ANKRD30B: variants seen among roughly 807,000 people sequenced by gnomAD.
The protein encoded by ANKRD30B is ankyrin repeat domain-containing protein 30B.
In ANKRD30B, 144 loss-of-function variants were observed where a neutral mutation model predicts 202.2. The ratio of observed to expected loss-of-function variants is 0.71; its 90% confidence interval spans 0.62 to 0.82. ANKRD30B has a LOEUF of 0.82. Among genes scored for constraint, ANKRD30B ranks in the 40% least tolerant of loss-of-function variants. The pLI, the probability that ANKRD30B is intolerant of heterozygous loss-of-function variation, is 0.00. For missense variants in ANKRD30B, 1,487 were observed against 1,669.1 expected (o/e 0.89, Z 1.90); for synonymous variants, 508 against 561.3 (o/e 0.91, Z 1.34).
At position 14,843,116 on chromosome 18, in the gene ANKRD30B, T is replaced by G; in HGVS notation, c.3181+20T>G. On this transcript the variant is annotated intron_variant, in intron 39 of 43. Coordinates refer to ENST00000690538, the MANE Select transcript of ANKRD30B (RefSeq NM_001367607.2). Reference sequence around the variant, plus strand: ...GAGCAGGTAAATTTTACAGTTCAACTATATTAAAATGAATATTTCAATAGT... The same window carrying G: ...GAGCAGGTAAATTTTACAGTTCAACGATATTAAAATGAATATTTCAATAGT... 4 of 1,590,558 alleles carry G rather than the reference T, an allele frequency of 2.5e-6. No homozygotes were observed. Among genetic ancestry groups the G allele is most frequent in the Non-Finnish European group, 8.5e-7 (1 of 1,170,180 alleles).
chr18:14,924,636 G>T, the ANKRD30B span, among the ~76,000 whole-genome samples: 1 of 152,256 alleles, frequency 6.6e-6, no homozygotes, highest in Non-Finnish European at 1.5e-5. Context: ...TCAGACAGAC[G>T]AGGTCCATGA....
the ANKRD30B span, among the ~76,000 whole-genome samples, chr18:14,895,598 A>G: frequency 6.6e-6 from 1 of 152,354 alleles, no homozygotes; most frequent in East Asian, 1.9e-4. Flanking sequence ...CTTTATTCGT[A>G]TCATCAAAAA....
At chr18:14,760,743 T>G in intron 6 of ANKRD30B, 125 bp downstream of exon 6, 1 of 627,578 alleles carries the variant, frequency 1.6e-6, no homozygotes, top group Non-Finnish European at 2.8e-6. Flanking sequence ...TACATATATG[T>G]GGGTGTGTGT....
intron 18 of ANKRD30B, among the ~76,000 whole-genome samples, chr18:14,796,686 C>G (rs192829003): frequency 2.0e-5 from 3 of 151,996 alleles, no homozygotes; most frequent in Admixed American, 6.6e-5. Flanking sequence ...CCAGGTGGAT[C>G]GGCAGGTTGA....
chr18:14,862,657 G>A, the ANKRD30B span, among the ~76,000 whole-genome samples: 5 of 152,192 alleles, frequency 3.3e-5, no homozygotes, highest in Non-Finnish European at 5.9e-5. Flanking sequence ...GGAGCTGTGG[G>A]AATGGGGCCG....
intron 15 of ANKRD30B, among the ~76,000 whole-genome samples, chr18:14,789,887 T>G (rs1968350526): frequency 6.6e-6 from 1 of 152,200 alleles, no homozygotes; most frequent in African/African-American, 2.4e-5. Context: ...CTTTTTTGGT[T>G]ACATATGAAC....
At chr18:14,770,148 C>A (rs1487854058) in intron 8 of ANKRD30B, among the ~76,000 whole-genome samples, 1 of 151,316 alleles carries the variant, frequency 6.6e-6, no homozygotes, top group Non-Finnish European at 1.5e-5. Context: ...TTTCTATAAT[C>A]CTTTCCTGAT....
intron 4 of ANKRD30B, among the ~76,000 whole-genome samples, chr18:14,756,343 A>G (rs1426130270): frequency 6.6e-6 from 1 of 151,984 alleles, no homozygotes; most frequent in Non-Finnish European, 1.5e-5. Flanking sequence ...ATTTTCTCCC[A>G]TTCTGTAGGT....
chr18:14,767,464 C>T (rs1046704680), intron 7 of ANKRD30B, among the ~76,000 whole-genome samples: 5 of 152,076 alleles, frequency 3.3e-5, no homozygotes, highest in South Asian at 2.1e-4. Context: ...TAGGTGAATA[C>T]GGTCTCTCAA....
At chr18:14,845,898 C>G (rs1047632050) in intron 39 of ANKRD30B, among the ~76,000 whole-genome samples, 1 of 152,078 alleles carries the variant, frequency 6.6e-6, no homozygotes, top group Non-Finnish European at 1.5e-5. Flanking sequence ...GAGCATTAAT[C>G]CATTTATGAA....
chr18:14,848,538 A>T (rs1971747174), intron 39 of ANKRD30B, among the ~76,000 whole-genome samples, 178 bp from the exon 40 acceptor site: 1 of 152,008 alleles, frequency 6.6e-6, no homozygotes, highest in South Asian at 2.1e-4. Context: ...TTTTAAGCTA[A>T]ACAAGAGCAG....
intron 5 of ANKRD30B, chr18:14,759,212 C>T (rs941589708): frequency 4.6e-5 from 7 of 152,160 alleles, no homozygotes; most frequent in African/African-American, 7.2e-5. Flanking sequence ...GGTACATATA[C>T]TAAAATTGAA....
chr18:14,792,584 G>A (rs1392681361), intron 16 of ANKRD30B, among the ~76,000 whole-genome samples: 1 of 151,926 alleles, frequency 6.6e-6, no homozygotes, highest in Non-Finnish European at 1.5e-5. Context: ...AAAATGGAGT[G>A]AATTCACTTC....
chr18:14,919,528 C>G, the ANKRD30B span, among the ~76,000 whole-genome samples: 42 of 152,130 alleles, frequency 2.8e-4, no homozygotes, highest in Non-Finnish European at 5.3e-4. Flanking sequence ...AGATGCTTGT[C>G]CAGGGCTCCA....
At chr18:14,817,112 C>G (rs1020459742) in intron 30 of ANKRD30B, 16 of 152,170 alleles carry the variant, frequency 1.1e-4, no homozygotes, top group African/African-American at 3.9e-4. Flanking sequence ...TGCATTTTTA[C>G]TTTGCACTAC....
rs1325286231 is a variant in ANKRD30B, at chr18:14,754,902, A to T, written c.514A>T (p.Ser172Cys). The T allele has an allele frequency of 2.0e-6, 3 of 1,527,066 alleles. No individual in the cohort carries two copies. The South Asian group carries it at 3.8e-5, about 19-fold the overall frequency. The allele number at this position is 1,527,066 out of a possible 1,614,324, so 94.6% of individuals were successfully genotyped here. A position where few individuals can be genotyped will look rare whatever the true frequency, so the allele number is the denominator to read the frequency against. Residue 172 changes from serine (S) to cysteine (C), a missense_variant, in exon 4 of 44, where the codon AGC becomes TGC. Transcript: ENST00000690538. ...ATATTGTTCTGCTATTTTACAGGCTAGCCTCACACCCCTTTTACTGGCCAT... is the reference window on the plus strand; with the variant it reads ...ATATTGTTCTGCTATTTTACAGGCTTGCCTCACACCCCTTTTACTGGCCAT... ...GAVIEVQNKA[S>C]LTPLLLAIQK...
chr18:14,918,250 C>T, the ANKRD30B span, among the ~76,000 whole-genome samples: 28 of 152,248 alleles, frequency 1.8e-4, no homozygotes, highest in African/African-American at 6.3e-4. Context: ...TGATAATTCT[C>T]CTGAGACATG....
At chr18:14,846,769 T>G (rs980036798) in intron 39 of ANKRD30B, among the ~76,000 whole-genome samples, 8 of 152,024 alleles carry the variant, frequency 5.3e-5, no homozygotes, top group African/African-American at 1.9e-4. Context: ...CAAGTGTTAG[T>G]GTGGTATATC....
chr18:14,783,357 A>G (rs896384214), intron 12 of ANKRD30B, among the ~76,000 whole-genome samples: 1 of 152,170 alleles, frequency 6.6e-6, no homozygotes, highest in African/African-American at 2.4e-5. Flanking sequence ...GCTCACTTTG[A>G]ATAGCAAGAG....
Sources: allele counts gnomAD v4.1 joint callset (sites outside exome capture counted in the v4.1 genomes callset), GRCh38; gene constraint gnomAD v4.1.1; transcripts MANE v1.5; gene names NCBI Gene and HGNC (gene_info 2026-07-23, HGNC 2026-07-21).